The following COL8A1 variants were observed in gnomAD, a reference collection of about 807,000 sequenced individuals.
COL8A1 encodes the protein collagen alpha-1(VIII) chain.
In COL8A1, 21 loss-of-function variants were observed where a neutral mutation model predicts 42.7. The ratio of observed to expected loss-of-function variants is 0.49; its 90% confidence interval spans 0.35 to 0.71. COL8A1 has a LOEUF of 0.71. Ranked by LOEUF, COL8A1 falls within the 30% of genes least tolerant of loss-of-function variation. COL8A1 has a pLI of 0.01. For synonymous variants in COL8A1, 367 were observed against 369.1 expected, an observed-to-expected ratio of 0.99 and a Z score of 0.06; for missense variants, 788 against 962.4, an observed-to-expected ratio of 0.82 and a Z score of 2.40.
At chr3:99,741,559 T>C (rs1940900125) in intron 1 of COL8A1, among the ~76,000 whole-genome samples, 2 of 152,198 alleles carry the variant, frequency 1.3e-5, no homozygotes, top group African/African-American at 4.8e-5. Context: ...GACTTACTCA[T>C]CTGGCAACTG....
intron 1 of COL8A1, among the ~76,000 whole-genome samples, chr3:99,724,160 T>C (rs1413142309): frequency 1.3e-5 from 2 of 152,024 alleles, no homozygotes; most frequent in East Asian, 3.9e-4. Context: ...AATAATCCCA[T>C]GGATTAGCTA....
intron 1 of COL8A1, among the ~76,000 whole-genome samples, chr3:99,648,541 A>G (rs1937728767): frequency 6.6e-6 from 1 of 152,126 alleles, no homozygotes; most frequent in Non-Finnish European, 1.5e-5. Context: ...AAGAAAAAAC[A>G]AACAAACAAA....
intron 1 of COL8A1, among the ~76,000 whole-genome samples, chr3:99,659,458 CTAA>C (rs1469956000): frequency 1.3e-5 from 2 of 152,136 alleles, no homozygotes; most frequent in East Asian, 3.9e-4. Context: ...GGATAAATTG[CTAA>C]TAATAATAAC....
At chr3:99,730,305 T>G (rs1209258044) in intron 1 of COL8A1, among the ~76,000 whole-genome samples, 1 of 152,174 alleles carries the variant, frequency 6.6e-6, no homozygotes, top group African/African-American at 2.4e-5. Context: ...TAAGCCTGTT[T>G]TGTGAAGGAA....
chr3:99,758,953 G>C (rs1302618606), intron 2 of COL8A1, among the ~76,000 whole-genome samples: 1 of 152,016 alleles, frequency 6.6e-6, no homozygotes, highest in Non-Finnish European at 1.5e-5. Context: ...GACTATTATT[G>C]GCCTTGACAC....
chr3:99,666,624 G>A (rs1389898645), intron 1 of COL8A1, among the ~76,000 whole-genome samples: 1 of 152,150 alleles, frequency 6.6e-6, no homozygotes, highest in Non-Finnish European at 1.5e-5. Flanking sequence ...AAGTTAAGGT[G>A]GGGGAGAGTG....
chr3:99,708,533 G>T (rs533159663), intron 1 of COL8A1, among the ~76,000 whole-genome samples: 1 of 152,020 alleles, frequency 6.6e-6, no homozygotes, highest in Non-Finnish European at 1.5e-5. Flanking sequence ...CACTTCCTCC[G>T]CCCTTCTTTG....
intron 1 of COL8A1, among the ~76,000 whole-genome samples, chr3:99,668,544 T>C (rs1179209557): frequency 1.3e-5 from 2 of 152,124 alleles, no homozygotes; most frequent in African/African-American, 4.8e-5. Context: ...CCATTTCACA[T>C]GTATCTTTAA....
chr3:99,669,146 T>TATATATAGAGAGAGAGAG, intron 1 of COL8A1, among the ~76,000 whole-genome samples: 2 of 115,364 alleles, frequency 1.7e-5, no homozygotes, highest in Admixed American at 9.5e-5. Context: ...TATATATATA[T>TATATATAGAGAGAGAGAG]AGAGGGAGAG....
At chr3:99,773,815 G>GTGTATATATATATATATATATATA in intron 2 of COL8A1, among the ~76,000 whole-genome samples, 1 of 35,912 alleles carries the variant, frequency 2.8e-5, no homozygotes. Flanking sequence ...ATATATGTGT[G>GTGTATATATATATATATATATATA]TATATATATA....
rs150097234 is a variant in COL8A1, at chr3:99,762,555, GC to G, written c.-4+17536del. The stretch of plus-strand genomic sequence containing the variant: ...TTCTTTTGTTCCCACCCTCAACTCT[GC>G]CATGGACCACAACAGATTTCACAGC... On this transcript the variant is annotated intron_variant, in intron 2 of 3. Coordinates refer to ENST00000652472, the MANE Select transcript of COL8A1 (RefSeq NM_020351.4). Among the ~76,000 whole-genome samples the G allele has an allele frequency of 6.3e-3, 963 of 152,246 alleles. 12 individuals carry two copies. Among genetic ancestry groups the G allele is most frequent in the African/African-American group, 0.022 (925 of 41,540 alleles).
chr3:99,722,907 T>C (rs557673750), intron 1 of COL8A1, among the ~76,000 whole-genome samples: 296 of 152,140 alleles, frequency 1.9e-3, no homozygotes, highest in African/African-American at 6.8e-3. Context: ...CTGTTAATAT[T>C]TGTAGAATAA....
At chr3:99,770,405 A>G (rs1430134598) in intron 2 of COL8A1, among the ~76,000 whole-genome samples, 3 of 152,206 alleles carry the variant, frequency 2.0e-5, no homozygotes, top group South Asian at 2.1e-4. Context: ...CACGATATCA[A>G]TGCCAAAATG....
At chr3:99,669,136 TATATATATATAGAGGGAGAG>T (rs1210394153) in intron 1 of COL8A1, among the ~76,000 whole-genome samples, 1 of 124,718 alleles carries the variant, frequency 8.0e-6, no homozygotes, top group African/African-American at 3.0e-5. Context: ...TATATATATA[TATATATATATAGAGGGAGAG>T]AGAGAGAGAG....
intron 2 of COL8A1, among the ~76,000 whole-genome samples, chr3:99,757,887 T>C (rs1304446154): frequency 6.6e-6 from 1 of 152,190 alleles, no homozygotes. Context: ...CATGAATCTA[T>C]CCTTGTATCA....
intron 1 of COL8A1, among the ~76,000 whole-genome samples, chr3:99,697,987 C>G (rs1939429500): frequency 2.0e-5 from 3 of 152,040 alleles, no homozygotes; most frequent in Non-Finnish European, 1.5e-5. Flanking sequence ...CACTGATAGG[C>G]CCCGGTGTGT....
chr3:99,745,976 T>C (rs1282038529), intron 2 of COL8A1, among the ~76,000 whole-genome samples: 4 of 152,178 alleles, frequency 2.6e-5, no homozygotes, highest in Non-Finnish European at 4.4e-5. Flanking sequence ...TGATATATAA[T>C]AGTACAATGG....
chr3:99,792,769 C>G (rs1173029529), intron 3 of COL8A1, among the ~76,000 whole-genome samples: 1 of 152,202 alleles, frequency 6.6e-6, no homozygotes, highest in African/African-American at 2.4e-5. Flanking sequence ...ATCTCTCCTA[C>G]TTAAAAGCCA....
chr3:99,709,404 T>C (rs988381573), intron 1 of COL8A1, among the ~76,000 whole-genome samples: 1 of 152,192 alleles, frequency 6.6e-6, no homozygotes, highest in Non-Finnish European at 1.5e-5. Flanking sequence ...TTTTAATGTC[T>C]ATCTTCTACA....
Sources: allele counts gnomAD v4.1 joint callset (sites outside exome capture counted in the v4.1 genomes callset), GRCh38; gene constraint gnomAD v4.1.1; transcripts MANE v1.5; gene names NCBI Gene and HGNC (gene_info 2026-07-23, HGNC 2026-07-21).